STT3A: variants seen among roughly 807,000 people sequenced by gnomAD.
STT3A encodes dolichyl-diphosphooligosaccharide--protein glycosyltransferase subunit STT3A.
A neutral mutation model predicts 89.2 loss-of-function variants in STT3A; 34 were observed. The ratio of observed to expected loss-of-function variants is 0.38; its 90% CI spans 0.29 to 0.51. STT3A has a LOEUF of 0.51. Ranked by LOEUF, STT3A falls within the 20% of genes least tolerant of loss-of-function variation. STT3A has a pLI of 0.89. For missense variants in STT3A, 555 were observed against 889.5 expected, an observed-to-expected ratio of 0.62 and a Z score of 4.78; for synonymous variants, 282 against 310.3, an observed-to-expected ratio of 0.91 and a Z score of 0.96.
At chr11:125,598,094 C>T (rs1939549418) in intron 3 of STT3A, among the ~76,000 whole-genome samples, 1 of 152,182 alleles carries the variant, frequency 6.6e-6, no homozygotes, top group Non-Finnish European at 1.5e-5. Context: ...TGCCCGTAAT[C>T]CCAGCTACTC....
chr11:125,609,683 T>C, intron 10 of STT3A, 94 bp downstream of exon 10: 3 of 1,502,752 alleles, frequency 2.0e-6, no homozygotes, highest in Non-Finnish European at 2.7e-6. Flanking sequence ...TTTGTTTTTC[T>C]TTGCCTGTTT....
chr11:125,596,466 A>G (rs1006842755), intron 2 of STT3A, among the ~76,000 whole-genome samples: 2 of 150,268 alleles, frequency 1.3e-5, no homozygotes, highest in African/African-American at 5.1e-5. Flanking sequence ...CTCTGTCTCA[A>G]AAAAAAGAGG....
chr11:125,591,918 T>C (rs1305552515), upstream of STT3A: 8 of 157,198 alleles, frequency 5.1e-5, no homozygotes, highest in Admixed American at 5.1e-4. Flanking sequence ...GATGATGGAA[T>C]TGCTGCTCAA....
intron 8 of STT3A, among the ~76,000 whole-genome samples, chr11:125,607,261 G>C (rs1430364770): frequency 1.3e-5 from 2 of 152,208 alleles, no homozygotes; most frequent in Non-Finnish European, 2.9e-5. Context: ...ACGCTAAGCT[G>C]TGATGTTCCA....
intron 3 of STT3A, among the ~76,000 whole-genome samples, chr11:125,599,690 T>C (rs1181657428): frequency 6.7e-6 from 1 of 149,614 alleles, no homozygotes; most frequent in Non-Finnish European, 1.5e-5. Context: ...ATAACAGGCA[T>C]GAACTACTAC....
chr11:125,603,257 GA>G (rs900852605), intron 5 of STT3A: 27 of 222,330 alleles, frequency 1.2e-4, no homozygotes, highest in African/African-American at 2.3e-4. Flanking sequence ...TAAGGGAGAG[GA>G]AAAAAAAACT....
At chr11:125,608,068 T>C in intron 8 of STT3A, 41 bp from the exon 9 acceptor site, 1 of 1,537,458 alleles carries the variant, frequency 6.5e-7, no homozygotes, top group Non-Finnish European at 8.7e-7. Flanking sequence ...CTTACTCATT[T>C]TTTTTCCTTA....
chr11:125,593,800 A>G (rs577664625), intron 1 of STT3A: 1 of 152,214 alleles, frequency 6.6e-6, no homozygotes, highest in Non-Finnish European at 1.5e-5. Context: ...TATGGAGAAC[A>G]TGCTTGACTT....
At chr11:125,608,078 A>G (rs1200612937) in intron 8 of STT3A, 31 bp from the exon 9 acceptor site, 3 of 1,540,728 alleles carry the variant, frequency 1.9e-6, no homozygotes, top group Non-Finnish European at 2.6e-6. Context: ...TTTTTTCCTT[A>G]GTATTAACAT....
Position 125,602,672 on chromosome 11 carries a change from G to C in STT3A, c.272-131G>C, listed in dbSNP as rs73629968. 1,088 of 1,280,114 alleles carry C rather than the reference G, an allele frequency of 8.5e-4. 7 individuals carry two copies. In the African/African-American group the frequency reaches 0.014, roughly 16 times the overall value. The allele number at this position is 1,280,114 out of a possible 1,614,324, so 79.3% of individuals were successfully genotyped here. A position where few individuals can be genotyped will look rare whatever the true frequency, so the allele number is the denominator to read the frequency against. On this transcript the variant is annotated intron_variant, in intron 4 of 17. Coordinates refer to ENST00000392708, the MANE Select transcript of STT3A (RefSeq NM_152713.5). Reference sequence around the variant, plus strand: ...GGGAGAAATTTATAGGCTTACTGCAGTTGCTATGTTAGTATTTCTGGTGAT... The same window carrying C: ...GGGAGAAATTTATAGGCTTACTGCACTTGCTATGTTAGTATTTCTGGTGAT...
At position 125,611,545 on chromosome 11, in the gene STT3A, C is replaced by T. The variant is rs763455819; in HGVS notation, c.1209+26C>T. The T allele has an allele frequency of 9.4e-6, 15 of 1,598,800 alleles. No homozygotes were observed. In the Admixed American group the frequency reaches 2.4e-4, roughly 25 times the overall value. On this transcript the variant is annotated intron_variant, in intron 11 of 17. Coordinates refer to ENST00000392708, the MANE Select transcript of STT3A (RefSeq NM_152713.5). ...GTGAGGATGCCCTCAGTCTGGTAGA[C>T]TTTTTCACTCTAACTCTGAGGTGCT...
At chr11:125,615,050 C>T (rs978697823) in intron 15 of STT3A, among the ~76,000 whole-genome samples, 3 of 152,090 alleles carry the variant, frequency 2.0e-5, no homozygotes, top group Non-Finnish European at 2.9e-5. Context: ...CCAAGGCGGG[C>T]GGATCACTTG....
intron 16 of STT3A, 116 bp from the exon 17 acceptor site, chr11:125,619,895 A>C: frequency 1.1e-6 from 1 of 894,118 alleles, no homozygotes; most frequent in South Asian, 1.7e-5. Context: ...TACTCTCAAC[A>C]AATTGCAGGC....
intron 6 of STT3A, among the ~76,000 whole-genome samples, chr11:125,605,145 A>AT (rs1262570388): frequency 6.6e-6 from 1 of 151,488 alleles, no homozygotes; most frequent in East Asian, 1.9e-4. Context: ...AAGAAAAAAA[A>AT]AAAGCAGACT....
chr11:125,614,074 A>G lies in STT3A; in HGVS notation c.1555-13A>G. 6.2e-7 allele frequency: 1 copy of G among 1,611,206 alleles called. No homozygotes were observed. The highest frequency in any genetic ancestry group is 8.5e-7 in the Non-Finnish European group (1 of 1,177,632). Reference sequence around the variant, plus strand: ...GAGAAGCTTGTTATTTCCATTTCCCATTCTACTTTCAGGATGCGAAGGTCA... The same window carrying G: ...GAGAAGCTTGTTATTTCCATTTCCCGTTCTACTTTCAGGATGCGAAGGTCA... On this transcript the variant is annotated splice_polypyrimidine_tract_variant and intron_variant, in intron 13 of 17. Coordinates refer to ENST00000392708, the MANE Select transcript of STT3A (RefSeq NM_152713.5). This position sits in a 1 kb window ranked among gnomAD's most constrained non-coding sequence, Gnocchi z 4.9.
chr11:125,618,155 A>G (rs933244734), intron 15 of STT3A, among the ~76,000 whole-genome samples: 2 of 152,198 alleles, frequency 1.3e-5, no homozygotes, highest in Non-Finnish European at 2.9e-5. Context: ...CTGGACTAGT[A>G]GCGTAGGATT....
intron 11 of STT3A, among the ~76,000 whole-genome samples, chr11:125,611,787 A>C (rs1214484135): frequency 6.6e-6 from 1 of 151,636 alleles, no homozygotes; most frequent in Non-Finnish European, 1.5e-5. Flanking sequence ...TGGGTGTCTT[A>C]AAACGGGAGA....
chr11:125,620,825 T>C lies in STT3A; in HGVS notation c.*15T>C, dbSNP rs1940325541. On this transcript the variant is annotated 3_prime_UTR_variant, in exon 18 of 18. Coordinates refer to ENST00000392708, the MANE Select transcript of STT3A (RefSeq NM_152713.5). Reference sequence around the variant, plus strand: ...CAAGGACATAAATGTCACGTCCAGCTCTGATATGCTTCGCACTGAGCACAT... The same window carrying C: ...CAAGGACATAAATGTCACGTCCAGCCCTGATATGCTTCGCACTGAGCACAT... 1.2e-6 allele frequency: 2 copies of C among 1,611,296 alleles called. No homozygotes were observed. Among genetic ancestry groups the C allele is most frequent in the Non-Finnish European group, 1.7e-6 (2 of 1,177,710 alleles).
At position 125,620,069 on chromosome 11, in the gene STT3A, G is replaced by A. The variant is rs773757570; in HGVS notation, c.2022G>A (p.Glu674=). ...CTGAGATTGGGAATAAAGACTTTGA[G>A]CTTGATGTCCTGGAGGAAGCATATA... The part of the protein sequence containing the change: ...RNAEIGNKDF[E]LDVLEEAYTT... Residue 674 remains glutamate, a synonymous_variant, in exon 17 of 18, where the codon GAG becomes GAA. Transcript: ENST00000392708. 6.2e-6 allele frequency: 10 copies of A among 1,614,172 alleles called. No individual in the cohort carries two copies. In the South Asian group the frequency reaches 1.1e-4, roughly 18 times the overall value.
Sources: gnomAD v4.1 joint callset for allele counts (sites outside exome capture counted in the v4.1 genomes callset) on GRCh38, gnomAD v4.1.1 for gene constraint, Gnocchi (gnomAD v3.1) non-coding constraint, MANE v1.5 for transcripts, NCBI Gene and HGNC (gene_info 2026-07-23, HGNC 2026-07-21) for gene names.